The following XPO7 variants were observed in gnomAD, a reference collection of about 807,000 sequenced individuals.
The protein encoded by XPO7 is exportin 7, also known as exportin-7.
XPO7 carries 21 observed loss-of-function variants against 144.3 expected under a neutral mutation model. The ratio of observed to expected loss-of-function variants is 0.15; its 90% CI spans 0.10 to 0.21. The LOEUF (loss-of-function observed/expected upper bound fraction) is 0.21, where lower values mean the gene tolerates loss of function less well. XPO7 is among the 10% of genes least tolerant of loss of function. The probability of loss-of-function intolerance (pLI) is 1.00; values close to 1 mark genes in which losing one functional copy is unlikely to be tolerated. For synonymous variants in XPO7, 580 were observed against 499.6 expected, an observed-to-expected ratio of 1.16 and a Z score of -2.15; for missense variants, 808 against 1,325.8, an observed-to-expected ratio of 0.61 and a Z score of 6.06.
intron 1 of XPO7, among the ~76,000 whole-genome samples, chr8:21,939,971 CTGAGT>C (rs2117265704): frequency 6.6e-6 from 1 of 152,250 alleles, no homozygotes; most frequent in South Asian, 2.1e-4. Flanking sequence ...TTAAGAACTA[CTGAGT>C]TATTAGCCTT....
At chr8:21,966,133 T>A (rs1420071385) in intron 1 of XPO7, 2 of 629,730 alleles carry the variant, frequency 3.2e-6, no homozygotes, top group African/African-American at 3.7e-5. Flanking sequence ...TGGAACTGGT[T>A]CAAGATTTGG....
intron 1 of XPO7, among the ~76,000 whole-genome samples, chr8:21,945,173 G>C (rs1334393764): frequency 1.3e-5 from 2 of 152,062 alleles, no homozygotes; most frequent in African/African-American, 2.4e-5. Context: ...TCACTTCCCA[G>C]ACGGGGCAGC....
intron 1 of XPO7, among the ~76,000 whole-genome samples, chr8:21,950,552 T>A (rs1182543681): frequency 2.0e-5 from 3 of 152,228 alleles, no homozygotes; most frequent in African/African-American, 7.2e-5. Flanking sequence ...TGCTAGATTG[T>A]CAAATTAGTT....
intron 1 of XPO7, among the ~76,000 whole-genome samples, chr8:21,949,481 A>G (rs1363459313): frequency 4.6e-5 from 7 of 152,210 alleles, no homozygotes; most frequent in Non-Finnish European, 8.8e-5. Context: ...AATTCTTTTT[A>G]TGCATTAATT....
At chr8:21,990,060 A>C (rs1812717832) in intron 16 of XPO7, among the ~76,000 whole-genome samples, 1 of 151,710 alleles carries the variant, frequency 6.6e-6, no homozygotes, top group Non-Finnish European at 1.5e-5. Context: ...CGTGTTAGCC[A>C]GGATGGTCTC....
intron 9 of XPO7, 79 bp downstream of exon 9, chr8:21,980,282 A>G (rs2117353888): frequency 6.8e-7 from 1 of 1,459,936 alleles, no homozygotes; most frequent in Non-Finnish European, 9.1e-7. Flanking sequence ...AATCCATCCC[A>G]AGGCCCAGTA....
chr8:21,968,649 C>T (rs1246478373), intron 2 of XPO7, among the ~76,000 whole-genome samples: 2 of 152,188 alleles, frequency 1.3e-5, no homozygotes, highest in Non-Finnish European at 2.9e-5. Flanking sequence ...GTAATATTAA[C>T]ATAAATGGAT....
chr8:21,994,135 A>G (rs1223011851), intron 19 of XPO7, among the ~76,000 whole-genome samples: 1 of 152,184 alleles, frequency 6.6e-6, no homozygotes, highest in Non-Finnish European at 1.5e-5. Context: ...TTTTCTTGGC[A>G]TAACAAACTT....
intron 14 of XPO7, 80 bp from the exon 15 acceptor site, chr8:21,987,704 C>A: frequency 6.8e-7 from 1 of 1,477,264 alleles, no homozygotes; most frequent in Non-Finnish European, 9.4e-7. Context: ...ACATCTTACC[C>A]ATGAGTGTGG....
At chr8:21,930,983 C>A (rs1421831238) in intron 1 of XPO7, among the ~76,000 whole-genome samples, 1 of 151,664 alleles carries the variant, frequency 6.6e-6, no homozygotes, top group African/African-American at 2.4e-5. Context: ...GCTGGGACTA[C>A]AGGCACGCAC....
At chr8:21,982,550 G>GA in intron 10 of XPO7, 90 bp from the exon 11 acceptor site, 2 of 1,361,492 alleles carry the variant, frequency 1.5e-6, no homozygotes, top group Non-Finnish European at 9.8e-7. Context: ...TTAAAAAAAA[G>GA]AAAAAAGTCT....
intron 1 of XPO7, among the ~76,000 whole-genome samples, chr8:21,934,324 G>C (rs761278240): frequency 2.0e-5 from 3 of 151,972 alleles, no homozygotes; most frequent in Non-Finnish European, 4.4e-5. Context: ...ACCTGAGGTC[G>C]GGAGTTTGAG....
intron 1 of XPO7, among the ~76,000 whole-genome samples, chr8:21,920,389 C>T (rs1395444825): frequency 6.6e-6 from 1 of 152,104 alleles, no homozygotes; most frequent in Non-Finnish European, 1.5e-5. Flanking sequence ...GCTCCCCGGT[C>T]TTCCAAAATG....
At chr8:21,937,701 G>A (rs1212087114) in intron 1 of XPO7, among the ~76,000 whole-genome samples, 1 of 152,166 alleles carries the variant, frequency 6.6e-6, no homozygotes. Context: ...GGATCAAGCA[G>A]AAATTAAAGT....
rs147333016 is a variant in XPO7 at position 21,953,129 on chromosome 8, G to T, written c.19-13728G>T. On this transcript the variant is annotated intron_variant, in intron 1 of 27. Coordinates refer to ENST00000252512, the MANE Select transcript of XPO7 (RefSeq NM_015024.5). The stretch of plus-strand genomic sequence containing the variant: ...TATTAACAACTGAAGGTCACTCTTA[G>T]TGTTGTGCTCTGTGGGTTTTGACAA... 8.0e-5 allele frequency among the ~76,000 whole-genome samples: 12 copies of T among 150,260 alleles called. No individual in the cohort carries two copies. In the East Asian group the frequency reaches 2.4e-3, roughly 30 times the overall value.
intron 1 of XPO7, among the ~76,000 whole-genome samples, chr8:21,953,717 G>A (rs1811447260): frequency 6.6e-6 from 1 of 152,204 alleles, no homozygotes; most frequent in African/African-American, 2.4e-5. Flanking sequence ...TAGGTGTGTA[G>A]TAGTATCTCA....
At chr8:21,957,257 T>G (rs192569811) in intron 1 of XPO7, among the ~76,000 whole-genome samples, 17 of 152,284 alleles carry the variant, frequency 1.1e-4, no homozygotes, top group African/African-American at 3.9e-4. Flanking sequence ...TTTGACTGGC[T>G]TGGTGTCTCT....
chr8:21,986,701 T>C (rs1812590556), intron 13 of XPO7, among the ~76,000 whole-genome samples: 1 of 152,212 alleles, frequency 6.6e-6, no homozygotes, highest in Admixed American at 6.5e-5. Flanking sequence ...GTCTTGCAGA[T>C]TGGTTCTGAG....
rs561459847 is a variant in XPO7 at position 21,933,210 on chromosome 8, C to T, written c.18+13422C>T. ...CCACCTCCTGGGTTCAAGTGATTCT[C>T]CTGTCTCAGCCTCCTGAGTAGCTGG... On this transcript the variant is annotated intron_variant, in intron 1 of 27. Transcript: ENST00000252512. Among the ~76,000 whole-genome samples the T allele has an allele frequency of 7.3e-5, 11 of 149,844 alleles. No homozygotes were observed. In the East Asian group the frequency reaches 2.0e-3, roughly 27 times the overall value.
Sources: allele counts gnomAD v4.1 joint callset (sites outside exome capture counted in the v4.1 genomes callset), GRCh38; gene constraint gnomAD v4.1.1; transcripts MANE v1.5; gene names NCBI Gene and HGNC (gene_info 2026-07-23, HGNC 2026-07-21).